The following ADAMTS20 variants were observed in gnomAD, a reference collection of about 807,000 sequenced individuals.
ADAMTS20 encodes the protein A disintegrin and metalloproteinase with thrombospondin motifs 20.
A neutral mutation model predicts 260.1 loss-of-function variants in ADAMTS20; 225 were observed. The observed-to-expected ratio is 0.87, with a 90% CI of 0.78 to 0.97. The LOEUF is 0.97. Among genes scored for constraint, ADAMTS20 ranks in the 50% least tolerant of loss-of-function variants. The pLI, the probability that ADAMTS20 is intolerant of heterozygous loss-of-function variation, is 0.00. For missense variants in ADAMTS20, 2,400 were observed against 2,337.7 expected, an observed-to-expected ratio of 1.03 and a Z score of -0.55; for synonymous variants, 802 against 769.5, an observed-to-expected ratio of 1.04 and a Z score of -0.70.
At chr12:43,521,744 A>G (rs1943074909) in intron 3 of ADAMTS20, among the ~76,000 whole-genome samples, 1 of 152,072 alleles carries the variant, frequency 6.6e-6, no homozygotes, top group Admixed American at 6.6e-5. Context: ...GTAAGCAACA[A>G]AATCCTTAAA....
rs959226185 is a variant in ADAMTS20 at position 43,428,390 on chromosome 12, C to T, written c.3796G>A (p.Ala1266Thr). ...QECSLAACPP[A>T]HSHFPSSPVQ... Reference sequence around the variant, plus strand: ...GGGGAACTAGGAAAGTGGCTGTGTGCAGGAGGGCAGGCTGCCAGGCTACAT... The same window carrying T: ...GGGGAACTAGGAAAGTGGCTGTGTGTAGGAGGGCAGGCTGCCAGGCTACAT... The change falls in exon 26 of 39, where the codon GCA becomes ACA. Residue 1266 changes from alanine to threonine, a missense_variant. By Grantham distance (58) the Ala-to-Thr change is moderately conservative. Transcript: ENST00000389420. 1.9e-6 allele frequency: 3 copies of T among 1,613,660 alleles called. No individual in the cohort carries two copies. The African/African-American group carries it at 4.0e-5, about 22-fold the overall frequency.
intron 29 of ADAMTS20, among the ~76,000 whole-genome samples, chr12:43,395,216 C>T (rs764697626): frequency 3.9e-4 from 60 of 152,178 alleles, no homozygotes; most frequent in South Asian, 1.2e-3. Context: ...GTCCCTGAAC[C>T]CTAGTCTACC....
At chr12:43,510,133 C>T (rs1942902381) in intron 3 of ADAMTS20, among the ~76,000 whole-genome samples, 1 of 151,948 alleles carries the variant, frequency 6.6e-6, no homozygotes, top group Non-Finnish European at 1.5e-5. Flanking sequence ...GGAAGGATGT[C>T]CAGAATGCAT....
chr12:43,510,649 A>T (rs907337948), intron 3 of ADAMTS20, among the ~76,000 whole-genome samples: 2 of 152,104 alleles, frequency 1.3e-5, no homozygotes, highest in Non-Finnish European at 2.9e-5. Context: ...ATTAATAACA[A>T]GCGTATTAAG....
In ADAMTS20 at chr12:43,439,951, G is replaced by A. The variant is rs1213973896; in HGVS notation, c.2409C>T (p.Asn803=). 9 of 1,603,588 alleles carry A rather than the reference G, an allele frequency of 5.6e-6. No homozygotes were observed. The highest frequency in any genetic ancestry group is 4.5e-5 in the South Asian group (4 of 89,874). The change falls in exon 17 of 39, where the codon AAC becomes AAT. Residue 803 remains asparagine, a synonymous_variant. Coordinates refer to ENST00000389420, the MANE Select transcript of ADAMTS20 (RefSeq NM_025003.5). ...RTVIEYSGSN[N]AVERINSTNR... ...TAGTACTATTAATTCTTTCAACTGC[G>A]TTATTTGATCCACTGTATTCAATAA...
At position 43,425,552 on chromosome 12, in the gene ADAMTS20, G is replaced by A; in HGVS notation, c.4246C>T (p.Pro1416Ser). 1 of 1,580,290 alleles carries A rather than the reference G, an allele frequency of 6.3e-7. No individual in the cohort carries two copies. Among genetic ancestry groups the A allele is most frequent in the South Asian group, 1.2e-5 (1 of 86,234 alleles). ...TCCTGATGCCATGACACATCAGCAG[G>A]GCAAGCATGCATATGACACTGTATT... ...SVIQCHMHAC[P>S]ADVSWHQEPW... Residue 1416 changes from proline (P) to serine (S), a missense_variant, in exon 28 of 39, where the codon CCT becomes TCT. Pro to Ser is a moderately conservative substitution (Grantham distance 74). Coordinates refer to ENST00000389420, the MANE Select transcript of ADAMTS20 (RefSeq NM_025003.5).
chr12:43,422,152 A>G (rs1181689689), intron 28 of ADAMTS20, among the ~76,000 whole-genome samples: 1 of 152,080 alleles, frequency 6.6e-6, no homozygotes, highest in East Asian at 1.9e-4. Flanking sequence ...TTTTTTTATT[A>G]CAGCACAAGA....
At chr12:43,407,321 T>A (rs995857506) in intron 28 of ADAMTS20, among the ~76,000 whole-genome samples, 13 of 151,622 alleles carry the variant, frequency 8.6e-5, no homozygotes, top group African/African-American at 2.9e-4. Flanking sequence ...TAAATTAATA[T>A]CATTGTAATA....
At chr12:43,536,734 C>G (rs574639036) in intron 2 of ADAMTS20, among the ~76,000 whole-genome samples, 2 of 152,296 alleles carry the variant, frequency 1.3e-5, no homozygotes, top group Admixed American at 1.3e-4. Context: ...GCTGTGCCAG[C>G]TAGGAGATAC....
intron 11 of ADAMTS20, among the ~76,000 whole-genome samples, chr12:43,460,988 A>ATATATATATATATATATATTTTTTTT: frequency 7.6e-5 from 2 of 26,392 alleles, no homozygotes; most frequent in African/African-American, 2.6e-4. Context: ...ATATATATAT[A>ATATATATATATATATATATTTTTTTT]TTTTTTTTTT....
chr12:43,477,285 G>A (rs1312408375), intron 7 of ADAMTS20, among the ~76,000 whole-genome samples: 1 of 152,018 alleles, frequency 6.6e-6, no homozygotes, highest in African/African-American at 2.4e-5. Flanking sequence ...AGTAAGAAAT[G>A]ACAGATACTC....
chr12:43,516,242 CT>C (rs62665660), intron 3 of ADAMTS20, among the ~76,000 whole-genome samples: 33,905 of 152,154 alleles, frequency 0.22, 4,929 homozygotes, highest in Non-Finnish European at 0.32. Flanking sequence ...AACCATCCTC[CT>C]TTTGCAGTTT....
intron 2 of ADAMTS20, among the ~76,000 whole-genome samples, chr12:43,542,471 A>G (rs1419166016): frequency 6.6e-6 from 1 of 151,696 alleles, no homozygotes; most frequent in Non-Finnish European, 1.5e-5. Flanking sequence ...TTTTACAATT[A>G]TTTTGACATG....
At chr12:43,535,739 T>C (rs1391926790) in intron 2 of ADAMTS20, among the ~76,000 whole-genome samples, 1 of 152,206 alleles carries the variant, frequency 6.6e-6, no homozygotes. Context: ...TGCTTTATTT[T>C]GTATTTTTAT....
Position 43,388,879 on chromosome 12 carries a change from C to G in ADAMTS20, c.4453-4902G>C, listed in dbSNP as rs142888695. 5.3e-4 allele frequency among the ~76,000 whole-genome samples: 81 copies of G among 152,306 alleles called. No homozygotes were observed. The East Asian group carries it at 0.014, about 26-fold the overall frequency. On this transcript the variant is annotated intron_variant, in intron 29 of 38. Coordinates refer to ENST00000389420, the MANE Select transcript of ADAMTS20 (RefSeq NM_025003.5). ...AGATTCTACATCCAGTGAGAGTCCA[C>G]TTTCTGGTTCCTACAGGGCACCCTC...
chr12:43,417,711 C>G (rs979915576), intron 28 of ADAMTS20, among the ~76,000 whole-genome samples: 1 of 152,090 alleles, frequency 6.6e-6, no homozygotes, highest in African/African-American at 2.4e-5. Context: ...CACTGGAGTG[C>G]CCAAAACATT....
intron 7 of ADAMTS20, among the ~76,000 whole-genome samples, chr12:43,474,168 T>C: frequency 6.8e-6 from 1 of 146,660 alleles, no homozygotes; most frequent in Non-Finnish European, 1.5e-5. Context: ...TCACCACTGA[T>C]CCCACAGAAA....
intron 18 of ADAMTS20, among the ~76,000 whole-genome samples, chr12:43,434,751 C>T (rs759647396): frequency 6.6e-6 from 1 of 152,132 alleles, no homozygotes; most frequent in Non-Finnish European, 1.5e-5. Context: ...CCCATTTTCC[C>T]ATAAGAGGAT....
intron 29 of ADAMTS20, 54 bp from the exon 30 acceptor site, chr12:43,384,031 T>C: frequency 1.3e-6 from 2 of 1,498,256 alleles, no homozygotes; most frequent in Non-Finnish European, 1.8e-6. Context: ...CCAAATTATA[T>C]AAAAGTAGCC....
Sources: gnomAD v4.1 joint callset for allele counts (sites outside exome capture counted in the v4.1 genomes callset) on GRCh38, gnomAD v4.1.1 for gene constraint, MANE v1.5 for transcripts, NCBI Gene and HGNC (gene_info 2026-07-23, HGNC 2026-07-21) for gene names.